ATRNL1: variants seen among roughly 807,000 people sequenced by gnomAD.
ATRNL1 encodes attractin like 1.
Under a neutral mutation model 182.7 loss-of-function variants are expected in ATRNL1, and 95 were observed. That is an observed-to-expected ratio of 0.52 (90% CI 0.44 to 0.62). The LOEUF is 0.62. Ranked by LOEUF, ATRNL1 falls within the 20% of genes least tolerant of loss-of-function variation. ATRNL1 has a pLI of 0.00. For missense variants in ATRNL1, 1,471 were observed against 1,679.5 expected (o/e 0.88, Z 2.17); for synonymous variants, 576 against 568.3 (o/e 1.01, Z -0.19).
At chr10:115,562,080 T>C (rs969343163) in intron 26 of ATRNL1, among the ~76,000 whole-genome samples, 9 of 152,220 alleles carry the variant, frequency 5.9e-5, no homozygotes, top group African/African-American at 2.2e-4. Context: ...TTAATGTTTA[T>C]AGCACCATTA....
At chr10:115,522,506 T>C (rs7895853) in intron 25 of ATRNL1, among the ~76,000 whole-genome samples, 96,145 of 152,008 alleles carry the variant, frequency 0.63, 31,422 homozygotes, top group Middle Eastern at 0.73. Context: ...TTAGGCTCAA[T>C]CTCCAACGAT....
At chr10:115,679,613 A>AT (rs1186264271) in intron 26 of ATRNL1, among the ~76,000 whole-genome samples, 1 of 152,102 alleles carries the variant, frequency 6.6e-6, no homozygotes, top group Non-Finnish European at 1.5e-5. Context: ...GTTTTGGGGT[A>AT]ATAACCCCTA....
At chr10:115,745,853 T>C (rs1948277204) in intron 27 of ATRNL1, among the ~76,000 whole-genome samples, 1 of 152,134 alleles carries the variant, frequency 6.6e-6, no homozygotes. Context: ...TATATATGCA[T>C]AGATATCAAC....
At chr10:115,785,506 A>T (rs1412547867) in intron 27 of ATRNL1, among the ~76,000 whole-genome samples, 1 of 152,204 alleles carries the variant, frequency 6.6e-6, no homozygotes, top group Non-Finnish European at 1.5e-5. Context: ...TGCTCATGCA[A>T]TTCATGGGAG....
chr10:115,692,351 C>T (rs1256412934), intron 26 of ATRNL1, among the ~76,000 whole-genome samples: 1 of 152,012 alleles, frequency 6.6e-6, no homozygotes, highest in East Asian at 1.9e-4. Flanking sequence ...TAATGATTAG[C>T]AAACAAGATT....
chr10:115,133,783 C>T (rs190056812), intron 5 of ATRNL1, among the ~76,000 whole-genome samples: 119 of 152,252 alleles, frequency 7.8e-4, no homozygotes, highest in African/African-American at 2.6e-3. Flanking sequence ...CCAAAATTGA[C>T]CACATAGTTG....
At chr10:115,134,463 A>T (rs1442938606) in intron 5 of ATRNL1, among the ~76,000 whole-genome samples, 1 of 152,162 alleles carries the variant, frequency 6.6e-6, no homozygotes, top group African/African-American at 2.4e-5. Flanking sequence ...CTCGACACAC[A>T]CACCCTCCCA....
intron 28 of ATRNL1, among the ~76,000 whole-genome samples, chr10:115,889,330 G>GT (rs1380090878): frequency 1.0e-5 from 1 of 98,330 alleles, no homozygotes; most frequent in African/African-American, 4.0e-5. Context: ...CCCAAAGTCA[G>GT]TTTTTTGGGG....
chr10:115,438,665 C>T (rs1554965162), intron 21 of ATRNL1, among the ~76,000 whole-genome samples: 1 of 151,782 alleles, frequency 6.6e-6, no homozygotes, highest in Non-Finnish European at 1.5e-5. Flanking sequence ...CACTTTTTTG[C>T]ACTACGGCTG....
In ATRNL1 at chr10:115,202,632, G is replaced by T. The variant is rs1343416318; in HGVS notation, c.1349-13065G>T. Among the ~76,000 whole-genome samples the T allele has an allele frequency of 2.7e-5, 4 of 148,284 alleles. 1 individual carries two copies. The South Asian group carries it at 8.7e-4, about 32-fold the overall frequency. On this transcript the variant is annotated intron_variant, in intron 8 of 28. Coordinates refer to ENST00000355044, the MANE Select transcript of ATRNL1 (RefSeq NM_207303.4). ...TTTGATGTGCTGCTGGATTCGGTTT[G>T]CCAGTATTTTATTGAGGATTTTTGC...
chr10:115,354,796 G>A (rs1270277127), intron 19 of ATRNL1, among the ~76,000 whole-genome samples: 1 of 151,744 alleles, frequency 6.6e-6, no homozygotes, highest in Non-Finnish European at 1.5e-5. Flanking sequence ...CTTTTTCTTT[G>A]TATCCTCTTT....
intron 20 of ATRNL1, among the ~76,000 whole-genome samples, chr10:115,410,186 TTTG>T (rs1418742991): frequency 6.6e-6 from 1 of 152,110 alleles, no homozygotes; most frequent in African/African-American, 2.4e-5. Context: ...TAGTTTTCTT[TTTG>T]TTGTTGTGTC....
chr10:115,625,773 T>C lies in ATRNL1; in HGVS notation c.3795+76237T>C, dbSNP rs1300543669. ...ATTTAATCAAGAACCTAGAATTGGA[T>C]GCCAAGGCGCATAGGAATGACCCTA... On this transcript the variant is annotated intron_variant, in intron 26 of 28. Transcript: ENST00000355044. 2.6e-5 allele frequency among the ~76,000 whole-genome samples: 4 copies of C among 152,118 alleles called. No homozygotes were observed. The East Asian group carries it at 7.8e-4, about 30-fold the overall frequency.
chr10:115,479,876 A>G (rs2225799), intron 24 of ATRNL1, among the ~76,000 whole-genome samples: 108,418 of 151,030 alleles, frequency 0.72, 39,701 homozygotes, highest in African/African-American at 0.8. Flanking sequence ...ATTCTACAAT[A>G]GTGCTGTTCA....
chr10:115,569,171 C>A (rs540504213), intron 26 of ATRNL1, among the ~76,000 whole-genome samples: 1 of 152,246 alleles, frequency 6.6e-6, no homozygotes, highest in East Asian at 1.9e-4. Flanking sequence ...ACTCTTGTCA[C>A]TTATCAATAT....
intron 8 of ATRNL1, among the ~76,000 whole-genome samples, chr10:115,208,321 A>G (rs1015676379): frequency 6.6e-6 from 1 of 151,754 alleles, no homozygotes; most frequent in Non-Finnish European, 1.5e-5. Flanking sequence ...GTCTCTTTCT[A>G]TTGGATGATT....
chr10:115,482,781 G>A (rs1209562951), intron 24 of ATRNL1, among the ~76,000 whole-genome samples: 4 of 151,012 alleles, frequency 2.6e-5, no homozygotes, highest in South Asian at 2.1e-4. Flanking sequence ...ATACAAAAGC[G>A]GACTTTATTC....
At chr10:115,679,535 A>C (rs1945980494) in intron 26 of ATRNL1, among the ~76,000 whole-genome samples, 1 of 152,020 alleles carries the variant, frequency 6.6e-6, no homozygotes, top group Non-Finnish European at 1.5e-5. Context: ...CATTGGGACT[A>C]TCTGACTTCT....
intron 28 of ATRNL1, among the ~76,000 whole-genome samples, chr10:115,912,258 A>G (rs931018919): frequency 6.6e-6 from 1 of 152,216 alleles, no homozygotes; most frequent in Non-Finnish European, 1.5e-5. Context: ...AAATTAACAT[A>G]TCCATACAAT....
Sources: allele counts gnomAD v4.1 joint callset (sites outside exome capture counted in the v4.1 genomes callset), GRCh38; gene constraint gnomAD v4.1.1; transcripts MANE v1.5; gene names NCBI Gene and HGNC (gene_info 2026-07-23, HGNC 2026-07-21).